The following PPM1H variants were observed in gnomAD, a reference collection of about 807,000 sequenced individuals.
PPM1H encodes the protein protein phosphatase, Mg2+/Mn2+ dependent 1H.
Under a neutral mutation model 54.9 loss-of-function variants are expected in PPM1H, and 27 were observed. The observed-to-expected ratio is 0.49, with a 90% CI of 0.36 to 0.68. The LOEUF is 0.68. Among genes scored for constraint, PPM1H ranks in the 30% least tolerant of loss-of-function variants. PPM1H has a pLI of 0.00. For missense variants in PPM1H, 596 were observed against 667.8 expected, an observed-to-expected ratio of 0.89 and a Z score of 1.19; for synonymous variants, 305 against 270.8, an observed-to-expected ratio of 1.13 and a Z score of -1.24.
At chr12:62,655,245 TATTGGGC>T (rs751440682) in intron 9 of PPM1H, among the ~76,000 whole-genome samples, 1 of 152,206 alleles carries the variant, frequency 6.6e-6, no homozygotes, top group Non-Finnish European at 1.5e-5. Flanking sequence ...CTAGCTACCA[TATTGGGC>T]CAGGCTGGTG....
At chr12:62,862,854 C>T (rs1285247903) in intron 1 of PPM1H, among the ~76,000 whole-genome samples, 2 of 152,182 alleles carry the variant, frequency 1.3e-5, no homozygotes, top group African/African-American at 4.8e-5. Flanking sequence ...ATTTAACAGA[C>T]ATCATTTCAA....
At chr12:62,680,326 T>C (rs1182172693) in intron 8 of PPM1H, among the ~76,000 whole-genome samples, 4 of 145,952 alleles carry the variant, frequency 2.7e-5, no homozygotes, top group Non-Finnish European at 4.5e-5. Flanking sequence ...TCTCTCTCTC[T>C]CTTTCTTTCT....
At chr12:62,687,482 C>G (rs1423920798) in intron 8 of PPM1H, among the ~76,000 whole-genome samples, 1 of 151,810 alleles carries the variant, frequency 6.6e-6, no homozygotes, top group Non-Finnish European at 1.5e-5. Context: ...CCATGCTGGT[C>G]TCAAGCAATC....
chr12:62,677,390 C>G (rs2075993722), intron 8 of PPM1H, among the ~76,000 whole-genome samples: 1 of 152,200 alleles, frequency 6.6e-6, no homozygotes, highest in African/African-American at 2.4e-5. Context: ...GAGGAAAGAG[C>G]CATGGCCCTT....
intron 4 of PPM1H, among the ~76,000 whole-genome samples, chr12:62,757,034 G>C (rs142142618): frequency 2.0e-5 from 3 of 152,278 alleles, no homozygotes; most frequent in Non-Finnish European, 4.4e-5. Context: ...AAGGGTGGAT[G>C]ACCAGAAAAT....
chr12:62,916,927 T>TC (rs1555205729), intron 1 of PPM1H, among the ~76,000 whole-genome samples: 1 of 132,070 alleles, frequency 7.6e-6, no homozygotes, highest in Non-Finnish European at 1.6e-5. Flanking sequence ...ACCCTCTACT[T>TC]AAAAAAAAAA....
intron 1 of PPM1H, among the ~76,000 whole-genome samples, chr12:62,838,955 T>G (rs981863940): frequency 2.1e-5 from 2 of 93,990 alleles, no homozygotes; most frequent in Non-Finnish European, 4.5e-5. Context: ...AAAAAAAGAA[T>G]AATAGCTTCT....
At chr12:62,920,820 T>C (rs1240207721) in intron 1 of PPM1H, among the ~76,000 whole-genome samples, 1 of 152,108 alleles carries the variant, frequency 6.6e-6, no homozygotes, top group East Asian at 1.9e-4. Flanking sequence ...TTGTCAACAT[T>C]CACCTTTTCA....
chr12:62,873,723 G>A (rs1870066290), intron 1 of PPM1H, among the ~76,000 whole-genome samples: 1 of 152,168 alleles, frequency 6.6e-6, no homozygotes, highest in Non-Finnish European at 1.5e-5. Flanking sequence ...GATGCATCAG[G>A]CTGTGTAAAA....
At chr12:62,931,627 C>T (rs565465389) in intron 1 of PPM1H, among the ~76,000 whole-genome samples, 163 of 152,232 alleles carry the variant, frequency 1.1e-3, no homozygotes, top group African/African-American at 3.0e-3. Context: ...CTGTAGAGAA[C>T]GAGTTTGGTG....
intron 5 of PPM1H, among the ~76,000 whole-genome samples, chr12:62,729,779 C>T (rs1402370539): frequency 1.3e-5 from 2 of 152,176 alleles, no homozygotes; most frequent in Non-Finnish European, 2.9e-5. Context: ...TGTGTAACTG[C>T]GACTTGCTCA....
intron 5 of PPM1H, among the ~76,000 whole-genome samples, chr12:62,724,694 C>T (rs1367737900): frequency 1.3e-5 from 2 of 152,064 alleles, no homozygotes; most frequent in Non-Finnish European, 2.9e-5. Flanking sequence ...TGCCATTAGA[C>T]GCACCATCAT....
At chr12:62,897,993 C>T (rs112573552) in intron 1 of PPM1H, among the ~76,000 whole-genome samples, 1 of 152,134 alleles carries the variant, frequency 6.6e-6, no homozygotes, top group Non-Finnish European at 1.5e-5. Flanking sequence ...GAAACTGACC[C>T]TTAGCCTAAA....
In PPM1H at chr12:62,720,174, C is replaced by G. The variant is rs1479814358; in HGVS notation, c.1070G>C (p.Gly357Ala). The change falls in exon 6 of 10, where the codon GGC becomes GCC. Residue 357 changes from glycine (G) to alanine (A), a missense_variant. Around this residue, in one of 3 missense-constraint regions of PPM1H, gnomAD observed 208 missense variants for 259.5 expected, o/e 0.80. Coordinates refer to ENST00000228705, the MANE Select transcript of PPM1H (RefSeq NM_020700.2). ...GCAGAGGAAGGCATGTTCTTACCAG[C>G]CTGTCATATTAAAGTCCCTGTAGAG... The part of the protein sequence containing the change: ...KMLYRDFNMT[G>A]WAYKTIEDED... 6.3e-7 allele frequency: 1 copy of G among 1,594,896 alleles called. No individual in the cohort carries two copies. Among genetic ancestry groups the G allele is most frequent in the Non-Finnish European group, 8.6e-7 (1 of 1,162,650 alleles).
At chr12:62,760,534 C>A (rs1016969193) in intron 4 of PPM1H, among the ~76,000 whole-genome samples, 1 of 152,206 alleles carries the variant, frequency 6.6e-6, no homozygotes, top group African/African-American at 2.4e-5. Context: ...TTTACAGTTT[C>A]ATTCTGCAAC....
intron 8 of PPM1H, among the ~76,000 whole-genome samples, chr12:62,687,037 C>T (rs997848866): frequency 3.9e-5 from 6 of 152,160 alleles, no homozygotes; most frequent in Admixed American, 2.6e-4. Context: ...ACTGGGCCAA[C>T]CAGACTCCTC....
intron 4 of PPM1H, among the ~76,000 whole-genome samples, chr12:62,779,249 A>G (rs2076628397): frequency 6.6e-6 from 1 of 152,068 alleles, no homozygotes; most frequent in Non-Finnish European, 1.5e-5. Context: ...GGGTTTCACC[A>G]TGTTGGCCCA....
chr12:62,814,540 G>A (rs561849264), intron 2 of PPM1H, among the ~76,000 whole-genome samples: 26 of 152,278 alleles, frequency 1.7e-4, no homozygotes, highest in East Asian at 7.7e-4. Flanking sequence ...TTTAACTTAC[G>A]ATTTGGAGAC....
intron 2 of PPM1H, among the ~76,000 whole-genome samples, chr12:62,811,321 T>G (rs1202652411): frequency 6.6e-6 from 1 of 152,104 alleles, no homozygotes; most frequent in East Asian, 1.9e-4. Context: ...CACATAGGAG[T>G]GGCAAAAACA....
Sources: gnomAD v4.1 joint callset for allele counts (sites outside exome capture counted in the v4.1 genomes callset) on GRCh38, gnomAD v4.1.1 for gene constraint, gnomAD v4.1.1 regional missense constraint, MANE v1.5 for transcripts, NCBI Gene and HGNC (gene_info 2026-07-23, HGNC 2026-07-21) for gene names.